Variants in MAP2K5 observed in about 807,000 individuals in gnomAD.
The protein encoded by MAP2K5 is dual specificity mitogen-activated protein kinase kinase 5.
A neutral mutation model predicts 83.1 loss-of-function variants in MAP2K5; 49 were observed. The ratio of observed to expected loss-of-function variants is 0.59; its 90% CI spans 0.47 to 0.75. The LOEUF (loss-of-function observed/expected upper bound fraction) is 0.75, where lower values mean the gene tolerates loss of function less well. Among genes scored for constraint, MAP2K5 ranks in the 30% least tolerant of loss-of-function variants. The pLI is 0.00. For synonymous variants in MAP2K5, 202 were observed against 191.8 expected (o/e 1.05, Z -0.44); for missense variants, 457 against 557.5 (o/e 0.82, Z 1.82).
intron 3 of MAP2K5, among the ~76,000 whole-genome samples, chr15:67,579,344 C>G (rs1421403425): frequency 6.6e-6 from 1 of 152,156 alleles, no homozygotes; most frequent in Non-Finnish European, 1.5e-5. Flanking sequence ...GGTTGACAGC[C>G]TACATGATTG....
chr15:67,703,355 G>C lies in MAP2K5; in HGVS notation c.991G>C (p.Glu331Gln). The C allele has an allele frequency of 6.2e-7, 1 of 1,613,564 alleles. No homozygotes were observed. ...AYMAPERISG[E>Q]QYGIHSDVWS... is the part of the protein sequence containing the mutation. The stretch of plus-strand genomic sequence containing the variant: ...CTTGCAGCCTGAAAGGATTTCAGGG[G>C]AGCAGTATGGAATTCATTCTGATGT... Residue 331 changes from glutamate to glutamine, a missense_variant, in exon 16 of 22, where the codon GAG becomes CAG. Physicochemically the swap from Glu to Gln is conservative, Grantham distance 29. Coordinates refer to ENST00000178640, the MANE Select transcript of MAP2K5 (RefSeq NM_145160.3).
chr15:67,669,402 T>G (rs2087472255), intron 13 of MAP2K5, among the ~76,000 whole-genome samples: 1 of 151,426 alleles, frequency 6.6e-6, no homozygotes, highest in South Asian at 2.1e-4. Context: ...GGAAGATGAG[T>G]TTGGGAGGAA....
At chr15:67,683,375 G>T (rs1056600696) in intron 13 of MAP2K5, among the ~76,000 whole-genome samples, 28 of 152,156 alleles carry the variant, frequency 1.8e-4, no homozygotes, top group Admixed American at 1.2e-3. Context: ...AAAGTCCTAA[G>T]ATTATTTATA....
At chr15:67,557,523 T>C (rs1481470908) in intron 2 of MAP2K5, among the ~76,000 whole-genome samples, 1 of 152,248 alleles carries the variant, frequency 6.6e-6, no homozygotes, top group Admixed American at 6.5e-5. Flanking sequence ...TACTCTCTCC[T>C]TATTGCACAG....
At chr15:67,743,506 A>G (rs1321531326) in intron 17 of MAP2K5, among the ~76,000 whole-genome samples, 1 of 152,248 alleles carries the variant, frequency 6.6e-6, no homozygotes, top group African/African-American at 2.4e-5. Flanking sequence ...TCAGTTTGCT[A>G]AAAGTCCCAT....
At chr15:67,666,984 T>C (rs1476315579) in intron 13 of MAP2K5, among the ~76,000 whole-genome samples, 2 of 152,186 alleles carry the variant, frequency 1.3e-5, no homozygotes, top group East Asian at 3.8e-4. Flanking sequence ...AATATATTCA[T>C]ATTTAGCTTT....
intron 3 of MAP2K5, among the ~76,000 whole-genome samples, chr15:67,571,274 A>G (rs898557745): frequency 6.6e-6 from 1 of 152,260 alleles, no homozygotes; most frequent in Admixed American, 6.5e-5. Context: ...TAAAGCCCAT[A>G]TAGATCCCAG....
intron 3 of MAP2K5, among the ~76,000 whole-genome samples, chr15:67,578,936 A>G (rs986242337): frequency 1.3e-5 from 2 of 152,240 alleles, no homozygotes; most frequent in African/African-American, 4.8e-5. Flanking sequence ...AACTTGTTAG[A>G]TAAAGCATAA....
chr15:67,666,175 T>TG (rs898336464), intron 13 of MAP2K5, among the ~76,000 whole-genome samples: 10 of 152,340 alleles, frequency 6.6e-5, no homozygotes, highest in African/African-American at 1.7e-4. Context: ...ATCCTGTCTC[T>TG]GGGCATACAG....
intron 9 of MAP2K5, among the ~76,000 whole-genome samples, chr15:67,631,435 A>G (rs1244361046): frequency 2.0e-5 from 3 of 151,910 alleles, no homozygotes; most frequent in African/African-American, 4.8e-5. Flanking sequence ...TTCTTTTCCT[A>G]TGCACCTTTT....
chr15:67,626,794 G>A (rs1312296669), intron 8 of MAP2K5, among the ~76,000 whole-genome samples: 2 of 151,952 alleles, frequency 1.3e-5, no homozygotes, highest in Non-Finnish European at 2.9e-5. Context: ...CAGCGGTTTG[G>A]GAGGCTGAGG....
In MAP2K5 at chr15:67,630,884, A is replaced by G. The variant is rs779093583; in HGVS notation, c.546-4A>G. On this transcript the variant is annotated splice_polypyrimidine_tract_variant and splice_region_variant and intron_variant, in intron 8 of 21. Transcript: ENST00000178640. ...AATGATTTTGTTTTTTTTTCTTCCC[A>G]TAGAGCATATCATGTCCCGAGTGGG... 30 of 1,607,406 alleles carry G rather than the reference A, an allele frequency of 1.9e-5. No homozygotes were observed. The highest frequency in any genetic ancestry group is 2.3e-5 in the Non-Finnish European group (27 of 1,175,932).
chr15:67,746,122 C>T lies in MAP2K5; in HGVS notation c.1075-2109C>T, dbSNP rs1596899282. On this transcript the variant is annotated intron_variant, in intron 17 of 21. Transcript: ENST00000178640. The surrounding 1 kb of genome is among the most constrained non-coding windows in gnomAD (Gnocchi z 4.1). Reference sequence around the variant, plus strand: ...AGTTGACTTAGACTAAGCTTTTAACCTGCAAAATAGGGCAAACTAGAGACT... The same window carrying T: ...AGTTGACTTAGACTAAGCTTTTAACTTGCAAAATAGGGCAAACTAGAGACT... 6.6e-6 allele frequency among the ~76,000 whole-genome samples: 1 copy of T among 152,128 alleles called. No homozygotes were observed. The highest frequency in any genetic ancestry group is 2.4e-5 in the African/African-American group (1 of 41,424).
intron 21 of MAP2K5, among the ~76,000 whole-genome samples, chr15:67,798,890 G>T (rs7169977): frequency 3.9e-5 from 6 of 152,184 alleles, no homozygotes; most frequent in Admixed American, 3.9e-4. Flanking sequence ...GGCCAAGACA[G>T]CCGGGCACGG....
rs563000349 is a variant in MAP2K5 at position 67,543,834 on chromosome 15, T to C, written c.135+364T>C. 1.3e-5 allele frequency among the ~76,000 whole-genome samples: 2 copies of C among 152,360 alleles called. No individual in the cohort carries two copies. Among genetic ancestry groups the C allele is most frequent in the East Asian group, 3.9e-4 (2 of 5,190 alleles). On this transcript the variant is annotated intron_variant, in intron 1 of 21. Transcript: ENST00000178640. This position sits in a 1 kb window ranked among gnomAD's most constrained non-coding sequence, Gnocchi z 4.3. ...TGGACAGATTCCAGCCTTGTTTTTC[T>C]ACTGAGTTCTCTGAACTTGGTGACC...
intron 6 of MAP2K5, among the ~76,000 whole-genome samples, chr15:67,591,883 G>A (rs1219796601): frequency 5.9e-5 from 9 of 151,864 alleles, no homozygotes; most frequent in Middle Eastern, 3.4e-3. Flanking sequence ...AGGCCGAGGC[G>A]GGCAGATCAC....
chr15:67,685,937 C>A (rs2087940613), intron 13 of MAP2K5, among the ~76,000 whole-genome samples: 1 of 152,136 alleles, frequency 6.6e-6, no homozygotes, highest in South Asian at 2.1e-4. Context: ...TGAGTAGTTA[C>A]AACAAAAAGC....
intron 16 of MAP2K5, among the ~76,000 whole-genome samples, chr15:67,721,551 G>C (rs2088960546): frequency 6.6e-6 from 1 of 152,148 alleles, no homozygotes; most frequent in East Asian, 1.9e-4. Flanking sequence ...TGAGGTCTTT[G>C]CAGACAGGGT....
At chr15:67,664,333 C>CAAA (rs11395465) in intron 12 of MAP2K5, among the ~76,000 whole-genome samples, 9,203 of 73,206 alleles carry the variant, frequency 0.13, 844 homozygotes, top group Non-Finnish European at 0.14. Context: ...CTGTTTCTAC[C>CAAA]AAAAAAAAAA....
Sources: allele counts gnomAD v4.1 joint callset (sites outside exome capture counted in the v4.1 genomes callset), GRCh38; gene constraint gnomAD v4.1.1; non-coding constraint Gnocchi (gnomAD v3.1); transcripts MANE v1.5; gene names NCBI Gene and HGNC (gene_info 2026-07-23, HGNC 2026-07-21).